The following PRKG2 variants were observed in gnomAD, a reference collection of about 807,000 sequenced individuals.
The protein encoded by PRKG2 is protein kinase cGMP-dependent 2, also known as cGMP-dependent protein kinase 2.
A neutral mutation model predicts 97.2 loss-of-function variants in PRKG2; 33 were observed. The observed-to-expected ratio is 0.34, with a 90% confidence interval of 0.26 to 0.45. The LOEUF (loss-of-function observed/expected upper bound fraction) is 0.45. PRKG2 is among the 20% of genes least tolerant of loss of function. The probability of loss-of-function intolerance (pLI) is 1.00; values close to 1 mark genes in which losing one functional copy is unlikely to be tolerated. For missense variants in PRKG2, 638 were observed against 900.0 expected (o/e 0.71, Z 3.73); for synonymous variants, 330 against 321.8 (o/e 1.03, Z -0.27).
At chr4:81,154,637 A>G (rs1292373286) in intron 6 of PRKG2, among the ~76,000 whole-genome samples, 4 of 151,038 alleles carry the variant, frequency 2.6e-5, no homozygotes, top group Non-Finnish European at 4.4e-5. Flanking sequence ...ATCATCAAAG[A>G]CCAAAAGTAC....
chr4:81,146,526 C>T (rs1747874326), intron 9 of PRKG2, among the ~76,000 whole-genome samples: 1 of 152,142 alleles, frequency 6.6e-6, no homozygotes, highest in South Asian at 2.1e-4. Flanking sequence ...AACTCTCCTT[C>T]TTGCACTGTA....
chr4:81,102,926 G>T (rs1742947105), intron 17 of PRKG2, among the ~76,000 whole-genome samples: 1 of 151,490 alleles, frequency 6.6e-6, no homozygotes, highest in Non-Finnish European at 1.5e-5. Flanking sequence ...GGAATGAGGT[G>T]TTTTCATTTC....
At chr4:81,100,319 C>T in intron 17 of PRKG2, among the ~76,000 whole-genome samples, 1 of 152,160 alleles carries the variant, frequency 6.6e-6, no homozygotes, top group Non-Finnish European at 1.5e-5. Context: ...AACTATACTA[C>T]AAGGCTACAG....
intron 6 of PRKG2, among the ~76,000 whole-genome samples, chr4:81,162,243 G>A (rs1191599079): frequency 1.3e-5 from 2 of 152,148 alleles, no homozygotes; most frequent in African/African-American, 2.4e-5. Context: ...TTAATCTTAC[G>A]AAAGAGGCTG....
At chr4:81,202,912 T>C (rs1753407389) in intron 2 of PRKG2, among the ~76,000 whole-genome samples, 1 of 152,046 alleles carries the variant, frequency 6.6e-6, no homozygotes, top group Admixed American at 6.6e-5. Flanking sequence ...TGGTGTCATA[T>C]ATAGGGAGAA....
intron 6 of PRKG2, among the ~76,000 whole-genome samples, chr4:81,161,731 G>A (rs994865074): frequency 5.9e-5 from 9 of 152,012 alleles, no homozygotes; most frequent in Non-Finnish European, 8.8e-5. Flanking sequence ...GAGTCTCTCT[G>A]GATTTCACTT....
At chr4:81,191,222 G>A (rs565210585) in intron 2 of PRKG2, among the ~76,000 whole-genome samples, 1 of 152,214 alleles carries the variant, frequency 6.6e-6, no homozygotes, top group East Asian at 1.9e-4. Flanking sequence ...AGAAAATGTG[G>A]CACATATACA....
intron 2 of PRKG2, among the ~76,000 whole-genome samples, chr4:81,191,070 C>A (rs1029910032): frequency 2.0e-5 from 3 of 152,178 alleles, no homozygotes; most frequent in South Asian, 4.2e-4. Context: ...TGACCCAGCA[C>A]ACCCATTACT....
chr4:81,098,129 G>A (rs1226231591), intron 17 of PRKG2, among the ~76,000 whole-genome samples: 4 of 152,134 alleles, frequency 2.6e-5, no homozygotes, highest in African/African-American at 9.7e-5. Context: ...TTAGCTGCCA[G>A]TGCGGCTAGA....
chr4:81,099,633 T>C (rs1224581252), intron 17 of PRKG2, among the ~76,000 whole-genome samples: 4 of 152,214 alleles, frequency 2.6e-5, no homozygotes, highest in Non-Finnish European at 5.9e-5. Context: ...ACTGGAAGCA[T>C]TCCCTCTGAA....
At chr4:81,217,029 T>TTTTATATA (rs1754297696), upstream of PRKG2, among the ~76,000 whole-genome samples, 4 of 88,150 alleles carry the variant, frequency 4.5e-5, no homozygotes, top group African/African-American at 1.8e-4. Flanking sequence ...TGTATATATT[T>TTTTATATA]TGTATATATA....
intron 2 of PRKG2, among the ~76,000 whole-genome samples, chr4:81,188,673 C>A (rs1578497021): frequency 8.0e-6 from 1 of 124,942 alleles, no homozygotes; most frequent in South Asian, 2.6e-4. Context: ...CACATATACA[C>A]CATGGAATAC....
chr4:81,142,965 A>G lies in PRKG2; in HGVS notation c.1254-18T>C, dbSNP rs1235548122. 6.3e-7 allele frequency: 1 copy of G among 1,591,458 alleles called. No individual in the cohort carries two copies. Among genetic ancestry groups the G allele is most frequent in the Non-Finnish European group, 8.6e-7 (1 of 1,165,080 alleles). The stretch of plus-strand genomic sequence containing the variant: ...TGGACCGCCTGTACAAGAGAAGTGA[A>G]ACTTTACACACACACACCCATAATT... On this transcript the variant is annotated intron_variant, in intron 10 of 18. Coordinates refer to ENST00000264399, the MANE Select transcript of PRKG2 (RefSeq NM_006259.3).
intron 14 of PRKG2, among the ~76,000 whole-genome samples, chr4:81,128,361 G>A (rs1745816180): frequency 6.6e-6 from 1 of 152,174 alleles, no homozygotes; most frequent in Non-Finnish European, 1.5e-5. Flanking sequence ...GAGTTAGGGA[G>A]GAGTTCCTCT....
chr4:81,107,514 T>TTATTTATC (rs1253123764), intron 15 of PRKG2, among the ~76,000 whole-genome samples: 3 of 152,024 alleles, frequency 2.0e-5, no homozygotes, highest in African/African-American at 7.2e-5. Flanking sequence ...ATTTATTTAT[T>TTATTTATC]TATTTATCTA....
At position 81,110,764 on chromosome 4, in the gene PRKG2, G is replaced by GAGAGACAGAC. The variant is rs1553919021; in HGVS notation, c.1777-154_1777-153insGTCTGTCTCT. 5.1e-4 allele frequency among the ~76,000 whole-genome samples: 75 copies of GAGAGACAGAC among 146,326 alleles called. 1 individual carries two copies. In the Middle Eastern group the frequency reaches 0.014, roughly 27 times the overall value. ...ACACACACACAAAGAGAGAGAGAGA[G>GAGAGACAGAC]AGACAGACAGACGGACAGACAGACA... is the stretch of plus-strand genomic sequence containing the variant. On this transcript the variant is annotated intron_variant, in intron 14 of 18. Coordinates refer to ENST00000264399, the MANE Select transcript of PRKG2 (RefSeq NM_006259.3).
intron 16 of PRKG2, among the ~76,000 whole-genome samples, chr4:81,105,351 T>C (rs893608500): frequency 7.9e-5 from 12 of 152,200 alleles, no homozygotes; most frequent in Non-Finnish European, 1.5e-4. Context: ...TCTCCATGTG[T>C]TCAAATTTTT....
intron 14 of PRKG2, among the ~76,000 whole-genome samples, chr4:81,113,733 TC>T (rs1308325465): frequency 6.6e-6 from 1 of 152,184 alleles, no homozygotes; most frequent in Non-Finnish European, 1.5e-5. Context: ...ACCAGATGAT[TC>T]ACGGTGACAT....
At chr4:81,169,341 T>C (rs1040107087) in intron 5 of PRKG2, among the ~76,000 whole-genome samples, 1 of 152,106 alleles carries the variant, frequency 6.6e-6, no homozygotes, top group African/African-American at 2.4e-5. Context: ...CTTTCAAATT[T>C]CAAATGCCTT....
Sources: allele counts gnomAD v4.1 joint callset (sites outside exome capture counted in the v4.1 genomes callset), GRCh38; gene constraint gnomAD v4.1.1; transcripts MANE v1.5; gene names NCBI Gene and HGNC (gene_info 2026-07-23, HGNC 2026-07-21).